The following CNBD1 variants were observed in gnomAD, a reference collection of about 807,000 sequenced individuals.
CNBD1 encodes cyclic nucleotide binding domain containing 1.
In CNBD1, 71 loss-of-function variants were observed where a neutral mutation model predicts 54.4. The observed-to-expected ratio is 1.30, with a 90% CI of 1.08 to 1.59. The LOEUF (loss-of-function observed/expected upper bound fraction) is 1.59. Among genes scored for constraint, CNBD1 ranks in the 40% most tolerant of loss-of-function variants. The pLI, the probability that CNBD1 is intolerant of heterozygous loss-of-function variation, is 0.00. For synonymous variants in CNBD1, 182 were observed against 170.7 expected (o/e 1.07, Z -0.51); for missense variants, 659 against 518.0 (o/e 1.27, Z -2.64).
intron 10 of CNBD1, among the ~76,000 whole-genome samples, chr8:87,371,878 A>G (rs1006132376): frequency 4.6e-5 from 7 of 151,988 alleles, no homozygotes; most frequent in African/African-American, 1.7e-4. Context: ...CACAGCCAAT[A>G]TCATACTGAA....
intron 3 of CNBD1, among the ~76,000 whole-genome samples, chr8:86,923,531 C>T (rs1051411683): frequency 6.6e-6 from 1 of 152,054 alleles, no homozygotes; most frequent in Non-Finnish European, 1.5e-5. Flanking sequence ...TCCTTTTGAC[C>T]CAGCTTTGGG....
chr8:87,262,872 C>T (rs193032664), intron 6 of CNBD1, among the ~76,000 whole-genome samples: 214 of 152,116 alleles, frequency 1.4e-3, no homozygotes, highest in African/African-American at 4.7e-3. Context: ...GTTCATTTGG[C>T]AATTAATACA....
downstream of CNBD1, among the ~76,000 whole-genome samples, chr8:87,386,624 C>T (rs1027334680): frequency 3.3e-5 from 5 of 152,148 alleles, no homozygotes; most frequent in South Asian, 2.1e-4. Context: ...AACAAATCTA[C>T]ATCTGATTGC....
At chr8:87,386,462 C>A (rs185097517), downstream of CNBD1, among the ~76,000 whole-genome samples, 1 of 151,916 alleles carries the variant, frequency 6.6e-6, no homozygotes, top group Non-Finnish European at 1.5e-5. Flanking sequence ...AACTATGTGA[C>A]GAATACACAA....
intron 4 of CNBD1, among the ~76,000 whole-genome samples, chr8:87,154,754 G>C (rs1373459278): frequency 6.6e-6 from 1 of 152,064 alleles, no homozygotes; most frequent in Admixed American, 6.6e-5. Context: ...ACCTAGACTG[G>C]GTGGTGGAGG....
chr8:87,108,995 CCTTGA>C (rs1425747366), intron 4 of CNBD1, among the ~76,000 whole-genome samples: 1 of 151,812 alleles, frequency 6.6e-6, no homozygotes, highest in Non-Finnish European at 1.5e-5. Context: ...TCTAATTTGC[CCTTGA>C]CTTTGTTCTG....
intron 4 of CNBD1, among the ~76,000 whole-genome samples, chr8:87,023,777 C>G (rs748271105): frequency 6.6e-6 from 1 of 152,156 alleles, no homozygotes; most frequent in Non-Finnish European, 1.5e-5. Context: ...TGCCAGAAAA[C>G]CTTGGCTTTA....
intron 4 of CNBD1, among the ~76,000 whole-genome samples, chr8:87,001,727 T>C (rs1323581947): frequency 6.6e-6 from 1 of 152,200 alleles, no homozygotes; most frequent in Non-Finnish European, 1.5e-5. Flanking sequence ...CTCAGTTTTT[T>C]TCTTTGAATA....
chr8:87,155,646 G>A (rs2130753373), intron 4 of CNBD1, among the ~76,000 whole-genome samples: 1 of 152,320 alleles, frequency 6.6e-6, no homozygotes, highest in East Asian at 1.9e-4. Flanking sequence ...TGAAAAACTA[G>A]TTCTAGCAGA....
chr8:86,976,626 T>C (rs2130500569), intron 4 of CNBD1, among the ~76,000 whole-genome samples: 1 of 152,112 alleles, frequency 6.6e-6, no homozygotes, highest in South Asian at 2.1e-4. Flanking sequence ...TTGTTTTGGG[T>C]AGTATGGATA....
intron 2 of CNBD1, among the ~76,000 whole-genome samples, chr8:87,418,515 T>G (rs1229091523): frequency 6.6e-6 from 1 of 151,796 alleles, no homozygotes; most frequent in East Asian, 1.9e-4. Flanking sequence ...TAAACTGGAC[T>G]TTATACAAAT....
intron 3 of CNBD1, among the ~76,000 whole-genome samples, chr8:86,912,209 A>G: frequency 6.6e-6 from 1 of 152,210 alleles, no homozygotes; most frequent in Non-Finnish European, 1.5e-5. Flanking sequence ...TAAAAAATTC[A>G]GATTAACTTT....
chr8:87,328,462 CA>C (rs1168387527), intron 8 of CNBD1, among the ~76,000 whole-genome samples: 2 of 146,366 alleles, frequency 1.4e-5, no homozygotes, highest in Non-Finnish European at 3.0e-5. Flanking sequence ...CTGGGCTTTT[CA>C]TTATATTTAA....
At chr8:87,361,689 A>AATATATAT (rs71277937) in intron 10 of CNBD1, among the ~76,000 whole-genome samples, 2,690 of 143,380 alleles carry the variant, frequency 0.019, 97 homozygotes, top group African/African-American at 0.053. Flanking sequence ...TAGTTGGATG[A>AATATATAT]ATATATATAT....
rs1563562310 is a variant in CNBD1 at position 87,344,784 on chromosome 8, G to A, written c.1043-6901G>A. On this transcript the variant is annotated intron_variant, in intron 8 of 10. Coordinates refer to ENST00000518476, the MANE Select transcript of CNBD1 (RefSeq NM_173538.3). ...ATGGTACCATCCATGTACTTCCTTT[G>A]ACCAGTTCAATTAATAGTAGTTATT... 2.0e-5 allele frequency among the ~76,000 whole-genome samples: 3 copies of A among 152,208 alleles called. No homozygotes were observed. In the East Asian group the frequency reaches 5.8e-4, roughly 29 times the overall value.
At chr8:87,351,229 A>G (rs1391223434) in intron 8 of CNBD1, among the ~76,000 whole-genome samples, 6 of 152,194 alleles carry the variant, frequency 3.9e-5, no homozygotes, top group Admixed American at 3.3e-4. Flanking sequence ...AACTGCTACT[A>G]TAATCAGTAG....
chr8:87,160,555 A>G (rs538078245), intron 4 of CNBD1, among the ~76,000 whole-genome samples: 52 of 152,290 alleles, frequency 3.4e-4, no homozygotes, highest in Non-Finnish European at 5.0e-4. Context: ...TGGCAACAAC[A>G]TAAAACAATA....
At chr8:87,327,932 CTG>C (rs1809720185) in intron 8 of CNBD1, among the ~76,000 whole-genome samples, 1 of 151,740 alleles carries the variant, frequency 6.6e-6, no homozygotes, top group Admixed American at 6.6e-5. Context: ...AGGTAAGAGT[CTG>C]TGTGATTTTT....
intron 8 of CNBD1, among the ~76,000 whole-genome samples, chr8:87,321,498 G>C (rs915849028): frequency 1.3e-5 from 2 of 152,128 alleles, no homozygotes; most frequent in African/African-American, 4.8e-5. Flanking sequence ...TGTCTTTGGA[G>C]AAATATCTAT....
Sources: gnomAD v4.1 joint callset for allele counts (sites outside exome capture counted in the v4.1 genomes callset) on GRCh38, gnomAD v4.1.1 for gene constraint, MANE v1.5 for transcripts, NCBI Gene and HGNC (gene_info 2026-07-23, HGNC 2026-07-21) for gene names.